The following RBFOX3 variants were observed in gnomAD, a reference collection of about 807,000 sequenced individuals.
The protein encoded by RBFOX3 is RNA binding protein fox-1 homolog 3.
A neutral mutation model predicts 48.7 loss-of-function variants in RBFOX3; 17 were observed. That is an observed-to-expected ratio of 0.35 (90% CI 0.24 to 0.52). The LOEUF (loss-of-function observed/expected upper bound fraction) is 0.52, where lower values mean the gene tolerates loss of function less well. Among genes scored for constraint, RBFOX3 ranks in the 20% least tolerant of loss-of-function variants. The pLI, the probability that RBFOX3 is intolerant of heterozygous loss-of-function variation, is 0.94. For missense variants in RBFOX3, 382 were observed against 497.5 expected, an observed-to-expected ratio of 0.77 and a Z score of 2.21; for synonymous variants, 212 against 209.5, an observed-to-expected ratio of 1.01 and a Z score of -0.10.
At chr17:79,221,919 T>C (rs1224174615) in intron 4 of RBFOX3, among the ~76,000 whole-genome samples, 1 of 152,028 alleles carries the variant, frequency 6.6e-6, no homozygotes, top group African/African-American at 2.4e-5. Flanking sequence ...GAGGTGCAGA[T>C]GGGGAGGGGT....
chr17:79,188,722 G>C (rs1418456261), intron 4 of RBFOX3, among the ~76,000 whole-genome samples: 1 of 152,122 alleles, frequency 6.6e-6, no homozygotes, highest in Non-Finnish European at 1.5e-5. Context: ...GAGCCCCCAG[G>C]ACTTCTCCCT....
chr17:79,274,239 G>T (rs1398041745), intron 3 of RBFOX3, among the ~76,000 whole-genome samples: 1 of 152,200 alleles, frequency 6.6e-6, no homozygotes, highest in East Asian at 1.9e-4. Flanking sequence ...TGGGATGGGG[G>T]TTGGATATCA....
intron 2 of RBFOX3, among the ~76,000 whole-genome samples, chr17:79,409,146 G>T (rs1005346281): frequency 2.0e-5 from 3 of 152,210 alleles, no homozygotes; most frequent in Non-Finnish European, 4.4e-5. Context: ...ACTGTTTTCA[G>T]GGTTTGTCCA....
chr17:79,645,340 G>T, the RBFOX3 span, among the ~76,000 whole-genome samples: 62 of 134,706 alleles, frequency 4.6e-4, no homozygotes, highest in Non-Finnish European at 7.1e-4. Flanking sequence ...CTAGCCACCC[G>T]CCAGAAACAC....
intron 1 of RBFOX3, among the ~76,000 whole-genome samples, chr17:79,607,395 G>A (rs2093857191): frequency 6.6e-6 from 1 of 152,070 alleles, no homozygotes; most frequent in Admixed American, 6.5e-5. Context: ...GCAGGCTCTG[G>A]GCTGGGCTGG....
chr17:79,330,903 G>A (rs1011574412), intron 2 of RBFOX3, among the ~76,000 whole-genome samples: 7 of 152,194 alleles, frequency 4.6e-5, no homozygotes, highest in East Asian at 1.9e-4. Context: ...TGGGGCAGCC[G>A]TCGGCCACGT....
At chr17:79,221,160 C>T (rs537086059) in intron 4 of RBFOX3, among the ~76,000 whole-genome samples, 1 of 152,370 alleles carries the variant, frequency 6.6e-6, no homozygotes, top group Admixed American at 6.5e-5. Flanking sequence ...GCCGACCTGC[C>T]TCGCTGCCCA....
intron 1 of RBFOX3, among the ~76,000 whole-genome samples, chr17:79,608,925 C>T (rs1180557880): frequency 1.3e-5 from 2 of 151,626 alleles, no homozygotes; most frequent in African/African-American, 2.4e-5. Flanking sequence ...TCCCCTCCTC[C>T]GCCCCCGCCA....
intron 2 of RBFOX3, among the ~76,000 whole-genome samples, chr17:79,366,989 C>G (rs1598402767): frequency 6.6e-6 from 1 of 152,198 alleles, no homozygotes; most frequent in African/African-American, 2.4e-5. Flanking sequence ...AAAGGCCATG[C>G]CATTTTGCCT....
At chr17:79,232,107 A>T (rs1039071795) in intron 4 of RBFOX3, among the ~76,000 whole-genome samples, 6 of 152,156 alleles carry the variant, frequency 3.9e-5, no homozygotes, top group Non-Finnish European at 7.3e-5. Context: ...AACAGCATGG[A>T]GGAAACCACC....
chr17:79,425,934 C>T (rs998010401), intron 2 of RBFOX3, among the ~76,000 whole-genome samples: 3 of 151,996 alleles, frequency 2.0e-5, no homozygotes, highest in Non-Finnish European at 4.4e-5. Context: ...GAAGGTGGTG[C>T]GAGGCGAGGG....
At chr17:79,172,193 AAG>A (rs1158885290) in intron 4 of RBFOX3, among the ~76,000 whole-genome samples, 3 of 151,414 alleles carry the variant, frequency 2.0e-5, no homozygotes, top group Non-Finnish European at 4.4e-5. Flanking sequence ...AAAAAAAAAA[AAG>A]AGAAAAAGAA....
intron 2 of RBFOX3, among the ~76,000 whole-genome samples, chr17:79,374,726 C>G (rs2059007084): frequency 6.6e-6 from 1 of 152,214 alleles, no homozygotes; most frequent in Non-Finnish European, 1.5e-5. Flanking sequence ...CACTCCATAT[C>G]AAAACAGATA....
chr17:79,560,318 C>A (rs992030290), intron 1 of RBFOX3, among the ~76,000 whole-genome samples: 2 of 152,058 alleles, frequency 1.3e-5, no homozygotes, highest in Admixed American at 6.6e-5. Flanking sequence ...GGATACTTTG[C>A]GAACTGCAGA....
At chr17:79,129,627 C>A (rs1211920468) in intron 4 of RBFOX3, among the ~76,000 whole-genome samples, 1 of 152,230 alleles carries the variant, frequency 6.6e-6, no homozygotes, top group Non-Finnish European at 1.5e-5. Flanking sequence ...GACACCATAG[C>A]CTCTGTAGGG....
At chr17:79,273,571 G>GA (rs1429950136) in intron 3 of RBFOX3, among the ~76,000 whole-genome samples, 1 of 150,258 alleles carries the variant, frequency 6.7e-6, no homozygotes, top group Non-Finnish European at 1.5e-5. Context: ...AGTGCTCTGG[G>GA]GGGGGCGGGG....
At chr17:79,449,540 C>T (rs1373474936) in intron 2 of RBFOX3, among the ~76,000 whole-genome samples, 1 of 151,928 alleles carries the variant, frequency 6.6e-6, no homozygotes, top group Non-Finnish European at 1.5e-5. Flanking sequence ...TAGAATTTTG[C>T]ATAATTGCCA....
At chr17:79,250,956 G>A (rs544753963) in intron 3 of RBFOX3, among the ~76,000 whole-genome samples, 21 of 151,900 alleles carry the variant, frequency 1.4e-4, no homozygotes, top group Admixed American at 4.6e-4. Flanking sequence ...TTACATGTAC[G>A]TGCCACCAAG....
intron 4 of RBFOX3, chr17:79,233,977 A>G (rs2061342351): frequency 1.3e-5 from 2 of 152,198 alleles, no homozygotes; most frequent in Admixed American, 1.3e-4. Context: ...TGTAAAATAG[A>G]TTCAGTTTAC....
Sources: gnomAD v4.1 joint callset for allele counts (sites outside exome capture counted in the v4.1 genomes callset) on GRCh38, gnomAD v4.1.1 for gene constraint, MANE v1.5 for transcripts, NCBI Gene and HGNC (gene_info 2026-07-23, HGNC 2026-07-21) for gene names.